Variants in RAPGEF4 observed in about 807,000 individuals in gnomAD.
The protein encoded by RAPGEF4 is Rap guanine nucleotide exchange factor 4, also known as RAP guanine-nucleotide-exchange factor (GEF) 4.
RAPGEF4 carries 66 observed loss-of-function variants against 147.9 expected under a neutral mutation model. That is an observed-to-expected ratio of 0.45 (90% CI 0.37 to 0.55). The LOEUF (loss-of-function observed/expected upper bound fraction) is 0.55. RAPGEF4 is among the 20% of genes least tolerant of loss of function. RAPGEF4 has a pLI of 0.00. For missense variants in RAPGEF4, 1,071 were observed against 1,257.3 expected (o/e 0.85, Z 2.24); for synonymous variants, 419 against 442.7 (o/e 0.95, Z 0.67).
intron 17 of RAPGEF4, 57 bp downstream of exon 17, chr2:173,001,401 G>A (rs994230020): frequency 1.5e-5 from 24 of 1,606,338 alleles, no homozygotes; most frequent in Admixed American, 3.3e-5. Flanking sequence ...CCCCCCTATC[G>A]AGGGCCATTC....
chr2:172,881,714 G>T (rs930818705), intron 4 of RAPGEF4, among the ~76,000 whole-genome samples: 1 of 152,198 alleles, frequency 6.6e-6, no homozygotes, highest in African/African-American at 2.4e-5. Flanking sequence ...CAGTGAAAGT[G>T]CTAACATTTT....
chr2:172,749,380 A>C (rs1305498555), intron 1 of RAPGEF4, among the ~76,000 whole-genome samples: 1 of 152,182 alleles, frequency 6.6e-6, no homozygotes, highest in African/African-American at 2.4e-5. Flanking sequence ...ACTTCTGAAC[A>C]CCTGTAGGTT....
At chr2:172,785,814 ACTT>A (rs1259014295) in intron 1 of RAPGEF4, among the ~76,000 whole-genome samples, 1 of 151,582 alleles carries the variant, frequency 6.6e-6, no homozygotes, top group East Asian at 1.9e-4. Flanking sequence ...CTTTCTCTCC[ACTT>A]CTTCTTCCTG....
intron 3 of RAPGEF4, among the ~76,000 whole-genome samples, chr2:172,802,542 A>G (rs150897744): frequency 6.6e-6 from 1 of 152,346 alleles, no homozygotes; most frequent in Admixed American, 6.5e-5. Flanking sequence ...ACACATGGGA[A>G]TTGTGGGAGT....
At chr2:173,013,970 C>A (rs918240770) in intron 17 of RAPGEF4, among the ~76,000 whole-genome samples, 1 of 152,150 alleles carries the variant, frequency 6.6e-6, no homozygotes, top group Non-Finnish European at 1.5e-5. Context: ...CCCATGCACT[C>A]TTTGTATCAG....
rs140149643 is a variant in RAPGEF4, at chr2:172,941,870, C to A, written c.538-18890C>A. Among the ~76,000 whole-genome samples the A allele has an allele frequency of 2.6e-5, 4 of 152,222 alleles. No individual in the cohort carries two copies. In the East Asian group the frequency reaches 7.8e-4, roughly 30 times the overall value. ...CTTTGTCCTGAGGATTAAATAAGAACACGCATATAAAGTTCACACAGCACA... is the reference window on the plus strand; with the variant it reads ...CTTTGTCCTGAGGATTAAATAAGAAAACGCATATAAAGTTCACACAGCACA... On this transcript the variant is annotated intron_variant, in intron 6 of 30. Transcript: ENST00000397081.
At chr2:172,915,276 A>C (rs1683939662) in intron 4 of RAPGEF4, among the ~76,000 whole-genome samples, 1 of 152,218 alleles carries the variant, frequency 6.6e-6, no homozygotes, top group African/African-American at 2.4e-5. Context: ...ACAATTAGAA[A>C]GTTTGACCAT....
chr2:172,924,133 G>A (rs531553642), intron 6 of RAPGEF4, among the ~76,000 whole-genome samples: 2 of 152,276 alleles, frequency 1.3e-5, no homozygotes, highest in East Asian at 3.9e-4. Flanking sequence ...AGACAGAAAG[G>A]CCTTGTCCTT....
At chr2:172,928,521 T>C (rs1685601383) in intron 6 of RAPGEF4, among the ~76,000 whole-genome samples, 1 of 152,242 alleles carries the variant, frequency 6.6e-6, no homozygotes, top group Non-Finnish European at 1.5e-5. Context: ...GTGAGTTTGT[T>C]GGTGAAAGGA....
intron 6 of RAPGEF4, among the ~76,000 whole-genome samples, chr2:172,934,961 G>C (rs1207050312): frequency 6.6e-6 from 1 of 152,120 alleles, no homozygotes; most frequent in African/African-American, 2.4e-5. Context: ...AGGATCACTT[G>C]AGCCTAGGAG....
intron 1 of RAPGEF4, among the ~76,000 whole-genome samples, chr2:172,772,353 T>A (rs1315320552): frequency 1.3e-5 from 2 of 151,478 alleles, no homozygotes; most frequent in African/African-American, 4.8e-5. Flanking sequence ...TTTATTTAAT[T>A]ATTTTATTGA....
intron 4 of RAPGEF4, among the ~76,000 whole-genome samples, chr2:172,842,036 A>G (rs1336498171): frequency 6.6e-6 from 1 of 152,110 alleles, no homozygotes; most frequent in Non-Finnish European, 1.5e-5. Flanking sequence ...TGTGCATTTT[A>G]CTCGGGAGGC....
chr2:172,870,047 CCT>C (rs1265570569), intron 4 of RAPGEF4, among the ~76,000 whole-genome samples: 1 of 152,058 alleles, frequency 6.6e-6, no homozygotes, highest in Non-Finnish European at 1.5e-5. Context: ...CTGCAGCACC[CCT>C]GAGTCATCTC....
At chr2:172,904,719 C>T (rs750015949) in intron 4 of RAPGEF4, among the ~76,000 whole-genome samples, 4 of 151,910 alleles carry the variant, frequency 2.6e-5, no homozygotes, top group African/African-American at 7.3e-5. Context: ...TTTCTCTACC[C>T]GATACACCAC....
At chr2:172,988,574 G>T in intron 13 of RAPGEF4, 119 bp from the exon 14 acceptor site, 1 of 1,225,668 alleles carries the variant, frequency 8.2e-7, no homozygotes, top group Non-Finnish European at 1.1e-6. Flanking sequence ...CTTTGGCATC[G>T]CTAGGTACAG....
intron 6 of RAPGEF4, among the ~76,000 whole-genome samples, chr2:172,936,001 G>A (rs1213600301): frequency 1.3e-5 from 2 of 152,166 alleles, no homozygotes; most frequent in African/African-American, 4.8e-5. Context: ...ATGAAGTCTA[G>A]CAAGATGGTG....
intron 10 of RAPGEF4, among the ~76,000 whole-genome samples, chr2:172,977,952 G>A (rs1559158517): frequency 1.3e-5 from 2 of 152,192 alleles, no homozygotes; most frequent in Non-Finnish European, 2.9e-5. Flanking sequence ...AGACCACAGG[G>A]TTGGGGTTTT....
At chr2:172,847,427 C>G (rs143407883) in intron 4 of RAPGEF4, among the ~76,000 whole-genome samples, 1 of 152,196 alleles carries the variant, frequency 6.6e-6, no homozygotes, top group Admixed American at 6.5e-5. Context: ...TCAGGCTCCT[C>G]CCGTTCCACC....
chr2:172,835,276 T>C (rs1252338794), intron 4 of RAPGEF4, among the ~76,000 whole-genome samples: 3 of 152,260 alleles, frequency 2.0e-5, no homozygotes, highest in Non-Finnish European at 4.4e-5. Context: ...ATGCAGTTGC[T>C]AATTGTGTTC....
Sources: allele counts gnomAD v4.1 joint callset (sites outside exome capture counted in the v4.1 genomes callset), GRCh38; gene constraint gnomAD v4.1.1; transcripts MANE v1.5; gene names NCBI Gene and HGNC (gene_info 2026-07-23, HGNC 2026-07-21).